Variants in EYA2 observed in about 807,000 individuals in gnomAD.
EYA2 encodes the protein EYA transcriptional coactivator and phosphatase 2.
EYA2 carries 31 observed loss-of-function variants against 69.2 expected under a neutral mutation model. The ratio of observed to expected loss-of-function variants is 0.45; its 90% CI spans 0.34 to 0.60. The LOEUF (loss-of-function observed/expected upper bound fraction) is 0.60, where lower values mean the gene tolerates loss of function less well. Among genes scored for constraint, EYA2 ranks in the 20% least tolerant of loss-of-function variants. The pLI is 0.02. For missense variants in EYA2, 622 were observed against 701.2 expected, an observed-to-expected ratio of 0.89 and a Z score of 1.28; for synonymous variants, 257 against 279.4, an observed-to-expected ratio of 0.92 and a Z score of 0.80.
chr20:46,999,507 C>T (rs916214638), intron 2 of EYA2, among the ~76,000 whole-genome samples: 8 of 152,224 alleles, frequency 5.3e-5, no homozygotes, highest in African/African-American at 1.9e-4. Flanking sequence ...GTTGAATGCA[C>T]GTGCATGCAC....
At chr20:46,941,376 G>A (rs939878313) in intron 1 of EYA2, among the ~76,000 whole-genome samples, 1 of 152,172 alleles carries the variant, frequency 6.6e-6, no homozygotes, top group African/African-American at 2.4e-5. Flanking sequence ...GTCGATTCCC[G>A]GCTCTTCTGC....
intron 8 of EYA2, among the ~76,000 whole-genome samples, 185 bp from the exon 9 acceptor site, chr20:47,096,900 C>T (rs527292451): frequency 1.3e-5 from 2 of 152,224 alleles, no homozygotes; most frequent in South Asian, 2.1e-4. Context: ...ACTGGGCATC[C>T]GAATACACAT....
chr20:47,040,987 AG>A (rs1469436972), intron 5 of EYA2, among the ~76,000 whole-genome samples: 2 of 152,200 alleles, frequency 1.3e-5, no homozygotes, highest in African/African-American at 2.4e-5. Context: ...TCACAGCTGC[AG>A]GGGGCCAGAA....
intron 7 of EYA2, among the ~76,000 whole-genome samples, chr20:47,083,674 A>G (rs1027237551): frequency 9.2e-5 from 14 of 152,170 alleles, no homozygotes; most frequent in Non-Finnish European, 1.8e-4. Flanking sequence ...AGACTTAAAT[A>G]TAAAACTGTA....
intron 9 of EYA2, among the ~76,000 whole-genome samples, chr20:47,104,646 T>C (rs2032523467): frequency 6.6e-6 from 1 of 152,230 alleles, no homozygotes; most frequent in East Asian, 1.9e-4. Context: ...TTGTTTTACC[T>C]ATGACTATCA....
chr20:46,925,458 A>G (rs1161533171), intron 1 of EYA2, among the ~76,000 whole-genome samples: 3 of 152,244 alleles, frequency 2.0e-5, no homozygotes, highest in African/African-American at 7.2e-5. Flanking sequence ...TTTCTCCGGC[A>G]TAGGAAAGAG....
rs1981078466 is a variant in EYA2 at position 46,984,803 on chromosome 20, G to C, written c.-10-5198G>C. 2.6e-5 allele frequency among the ~76,000 whole-genome samples: 4 copies of C among 152,208 alleles called. No homozygotes were observed. The South Asian group carries it at 8.3e-4, about 31-fold the overall frequency. Reference sequence around the variant, plus strand: ...GAGATACTGCATTTTAAAAAATGAAGATGAATGGAGATGTTCATTGCAGCA... The same window carrying C: ...GAGATACTGCATTTTAAAAAATGAACATGAATGGAGATGTTCATTGCAGCA... On this transcript the variant is annotated intron_variant, in intron 1 of 15. Coordinates refer to ENST00000327619, the MANE Select transcript of EYA2 (RefSeq NM_005244.5).
rs113378253 is a variant in EYA2, at chr20:47,021,877, G to A, written c.415+5580G>A. 3.7e-3 allele frequency among the ~76,000 whole-genome samples: 563 copies of A among 152,102 alleles called. 4 individuals carry two copies. The highest frequency in any genetic ancestry group is 0.013 in the African/African-American group (544 of 41,490). On this transcript the variant is annotated intron_variant, in intron 5 of 15. Coordinates refer to ENST00000327619, the MANE Select transcript of EYA2 (RefSeq NM_005244.5). Reference sequence around the variant, plus strand: ...ATTGTGTTGGATTTAGAAAGTCTCTGTGTCAGATTCATGAAATCTACCACC... The same window carrying A: ...ATTGTGTTGGATTTAGAAAGTCTCTATGTCAGATTCATGAAATCTACCACC...
intron 5 of EYA2, among the ~76,000 whole-genome samples, chr20:47,029,650 A>T (rs1372351567): frequency 1.3e-5 from 2 of 152,110 alleles, no homozygotes; most frequent in East Asian, 3.9e-4. Context: ...CTTATTCTCT[A>T]TACTTAACAC....
At chr20:46,961,954 A>G (rs539211155) in intron 1 of EYA2, among the ~76,000 whole-genome samples, 1 of 152,356 alleles carries the variant, frequency 6.6e-6, no homozygotes, top group South Asian at 2.1e-4. Flanking sequence ...TCTATACCAT[A>G]ATAGGATGAC....
At chr20:46,956,606 C>T (rs1452011493) in intron 1 of EYA2, among the ~76,000 whole-genome samples, 1 of 152,244 alleles carries the variant, frequency 6.6e-6, no homozygotes, top group Non-Finnish European at 1.5e-5. Context: ...ACATTGCACA[C>T]ATCTCTTCTG....
intron 7 of EYA2, among the ~76,000 whole-genome samples, chr20:47,082,619 G>T (rs1217808341): frequency 6.6e-6 from 1 of 152,192 alleles, no homozygotes; most frequent in Non-Finnish European, 1.5e-5. Flanking sequence ...TGAATCAGAA[G>T]ACTTAATATT....
chr20:47,041,513 A>G (rs1390195229), intron 5 of EYA2, among the ~76,000 whole-genome samples: 3 of 152,234 alleles, frequency 2.0e-5, no homozygotes, highest in Non-Finnish European at 4.4e-5. Flanking sequence ...TAAACCTACC[A>G]GGACTCATAA....
At chr20:46,983,952 T>C (rs1166884839) in intron 1 of EYA2, among the ~76,000 whole-genome samples, 1 of 152,202 alleles carries the variant, frequency 6.6e-6, no homozygotes, top group Non-Finnish European at 1.5e-5. Context: ...GCTGTTATTT[T>C]TGATCATGAT....
In EYA2 at chr20:47,149,014, G is replaced by A. The variant is rs144620316; in HGVS notation, c.978+5866G>A. Among the ~76,000 whole-genome samples the A allele has an allele frequency of 1.1e-4, 16 of 152,172 alleles. No homozygotes were observed. The East Asian group carries it at 3.1e-3, about 29-fold the overall frequency. On this transcript the variant is annotated intron_variant, in intron 10 of 15. Transcript: ENST00000327619. ...CCCTGTGAGAAGAAGAGATTGGGGA[G>A]GCCTGGCAGCCGAGACTGTGCTACT...
chr20:46,926,228 A>G (rs1985406900), intron 1 of EYA2, among the ~76,000 whole-genome samples: 1 of 152,236 alleles, frequency 6.6e-6, no homozygotes, highest in Admixed American at 6.5e-5. Flanking sequence ...TAGGAAATAT[A>G]TACGTACACA....
intron 9 of EYA2, among the ~76,000 whole-genome samples, chr20:47,112,887 T>TTTTTTTTTC: frequency 7.0e-6 from 1 of 143,794 alleles, no homozygotes; most frequent in South Asian, 2.3e-4. Context: ...TTTTTTTTTT[T>TTTTTTTTTC]TTGAGACGGA....
At chr20:47,091,003 T>C (rs1452065321) in intron 8 of EYA2, among the ~76,000 whole-genome samples, 3 of 152,094 alleles carry the variant, frequency 2.0e-5, no homozygotes, top group South Asian at 2.1e-4. Context: ...CTCGGTAGGA[T>C]TGTCAGTGCC....
chr20:47,007,814 T>TG (rs552021430), intron 4 of EYA2, among the ~76,000 whole-genome samples: 99 of 150,170 alleles, frequency 6.6e-4, no homozygotes, highest in African/African-American at 7.6e-4. Flanking sequence ...AGACGGGGGG[T>TG]GGGGGGTCTC....
Sources: allele counts gnomAD v4.1 joint callset (sites outside exome capture counted in the v4.1 genomes callset), GRCh38; gene constraint gnomAD v4.1.1; transcripts MANE v1.5; gene names NCBI Gene and HGNC (gene_info 2026-07-23, HGNC 2026-07-21).